SMOC2: variants seen among roughly 807,000 people sequenced by gnomAD.
SMOC2 encodes the protein SPARC-related modular calcium-binding protein 2.
Under a neutral mutation model 61.4 loss-of-function variants are expected in SMOC2, and 39 were observed. That is an observed-to-expected ratio of 0.64 (90% CI 0.49 to 0.83). SMOC2 has a LOEUF of 0.83. SMOC2 is among the 40% of genes least tolerant of loss of function. The probability of loss-of-function intolerance (pLI) is 0.00; values close to 1 mark genes in which losing one functional copy is unlikely to be tolerated. For missense variants in SMOC2, 556 were observed against 592.9 expected, an observed-to-expected ratio of 0.94 and a Z score of 0.65; for synonymous variants, 247 against 239.9, an observed-to-expected ratio of 1.03 and a Z score of -0.27.
At chr6:168,505,825 C>T (rs186051719) in intron 1 of SMOC2, among the ~76,000 whole-genome samples, 1 of 152,212 alleles carries the variant, frequency 6.6e-6, no homozygotes, top group African/African-American at 2.4e-5. Context: ...TGTAGCCCCT[C>T]TCCCACCTGT....
intron 1 of SMOC2, among the ~76,000 whole-genome samples, chr6:168,444,887 G>T (rs910375782): frequency 2.6e-5 from 4 of 152,138 alleles, no homozygotes; most frequent in African/African-American, 9.7e-5. Context: ...GAACAATATT[G>T]CCTGGGACCC....
chr6:168,598,683 G>A, intron 7 of SMOC2, 135 bp from the exon 8 acceptor site: 1 of 981,786 alleles, frequency 1.0e-6, no homozygotes, highest in African/African-American at 1.6e-5. Flanking sequence ...TGCCCCCCAC[G>A]CTGGCAGGCC....
chr6:168,463,249 C>T (rs1781754679), intron 1 of SMOC2, among the ~76,000 whole-genome samples: 2 of 152,262 alleles, frequency 1.3e-5, no homozygotes, highest in East Asian at 1.9e-4. Flanking sequence ...CCCGTACTTA[C>T]CCCAAGGAGA....
intron 9 of SMOC2, among the ~76,000 whole-genome samples, chr6:168,635,739 C>T (rs1257857923): frequency 2.6e-5 from 4 of 151,908 alleles, no homozygotes; most frequent in South Asian, 2.1e-4. Flanking sequence ...GGCGTGGTGG[C>T]GGGTGCCTGT....
rs1006979589 is a variant in SMOC2, at chr6:168,586,032, T to C, written c.638-12786T>C. Among the ~76,000 whole-genome samples the C allele has an allele frequency of 7.9e-5, 12 of 152,318 alleles. No individual in the cohort carries two copies. In the South Asian group the frequency reaches 8.3e-4, roughly 11 times the overall value. On this transcript the variant is annotated intron_variant, in intron 7 of 12. Transcript: ENST00000356284. ...ACTTTTTTTTGTCTTTTGTGCTTAGTGCTTTCTGCATCTGCCCTAGAGATC... is the reference window on the plus strand; with the variant it reads ...ACTTTTTTTTGTCTTTTGTGCTTAGCGCTTTCTGCATCTGCCCTAGAGATC...
chr6:168,613,115 G>A (rs896079623), intron 9 of SMOC2, among the ~76,000 whole-genome samples: 3 of 152,144 alleles, frequency 2.0e-5, no homozygotes, highest in Non-Finnish European at 2.9e-5. Context: ...ACACTGGCAG[G>A]GAACGCTCAC....
At chr6:168,558,856 TGC>T (rs1345060294) in intron 7 of SMOC2, among the ~76,000 whole-genome samples, 54 of 126,778 alleles carry the variant, frequency 4.3e-4, no homozygotes, top group African/African-American at 2.1e-3. Flanking sequence ...TGTGCGCGTG[TGC>T]GCATGTGTGT....
intron 7 of SMOC2, among the ~76,000 whole-genome samples, chr6:168,564,470 T>G: frequency 6.6e-6 from 1 of 152,174 alleles, no homozygotes; most frequent in East Asian, 1.9e-4. Flanking sequence ...CTTGTATGTA[T>G]GTGGATTTAA....
intron 9 of SMOC2, among the ~76,000 whole-genome samples, chr6:168,615,874 T>C (rs1228280010): frequency 6.7e-6 from 1 of 149,538 alleles, no homozygotes; most frequent in African/African-American, 2.5e-5. Context: ...TCAGACACGA[T>C]TTTAGCACTA....
chr6:168,579,011 G>T (rs182892324), intron 7 of SMOC2, among the ~76,000 whole-genome samples: 35 of 152,162 alleles, frequency 2.3e-4, no homozygotes, highest in Non-Finnish European at 4.9e-4. Context: ...GCCCACCACC[G>T]ACAGGTTTCA....
rs377426336 is a variant in SMOC2, at chr6:168,592,430, C to G, written c.638-6388C>G. Among the ~76,000 whole-genome samples, 825 of 108,752 alleles carry G rather than the reference C, an allele frequency of 7.6e-3. 8 individuals carry two copies. Among genetic ancestry groups the G allele is most frequent in the South Asian group, 0.037 (118 of 3,176 alleles). The allele number at this position is 108,752 out of a possible 152,430, so 71.3% of individuals were successfully genotyped here. On this transcript the variant is annotated intron_variant, in intron 7 of 12. Transcript: ENST00000356284. ...TTCCTGAGGCCTCACGAGCATCTTT[C>G]TAGAGGATCGCCGAGCTCCTCCTCC...
intron 4 of SMOC2, among the ~76,000 whole-genome samples, chr6:168,530,214 C>T (rs182564747): frequency 6.6e-6 from 1 of 152,216 alleles, no homozygotes; most frequent in East Asian, 1.9e-4. Flanking sequence ...TGAGGCCAGC[C>T]ACAGCGGAGG....
intron 4 of SMOC2, among the ~76,000 whole-genome samples, chr6:168,536,856 C>T (rs575202079): frequency 2.6e-5 from 4 of 152,306 alleles, no homozygotes; most frequent in Admixed American, 1.3e-4. Context: ...CCGGTGAAGT[C>T]GGATAGAGCA....
intron 1 of SMOC2, among the ~76,000 whole-genome samples, chr6:168,470,932 A>C (rs1781955860): frequency 6.6e-6 from 1 of 152,196 alleles, no homozygotes; most frequent in South Asian, 2.1e-4. Context: ...TTTCCAGAAT[A>C]ATTTTTACCC....
intron 9 of SMOC2, among the ~76,000 whole-genome samples, chr6:168,636,062 C>G (rs1786709935): frequency 6.6e-6 from 1 of 152,114 alleles, no homozygotes; most frequent in Non-Finnish European, 1.5e-5. Flanking sequence ...AATAGCATGT[C>G]TGTTGTGTGA....
chr6:168,471,766 T>G (rs1256816161), intron 1 of SMOC2, among the ~76,000 whole-genome samples: 1 of 152,244 alleles, frequency 6.6e-6, no homozygotes, highest in Non-Finnish European at 1.5e-5. Context: ...TGTATTTATT[T>G]TTGGATAGTG....
chr6:168,574,579 G>A (rs1039689217), intron 7 of SMOC2, among the ~76,000 whole-genome samples: 3 of 152,166 alleles, frequency 2.0e-5, no homozygotes, highest in Non-Finnish European at 2.9e-5. Flanking sequence ...TGCCTGGAAC[G>A]TCTGCAGATG....
rs1785557396 is a variant in SMOC2 at position 168,601,639 on chromosome 6, G to C, written c.824+2635G>C. Reference sequence around the variant, plus strand: ...TAAGTTGGGGCAGCCCCAGCCCCCAGTGAGGCCCCTGTAGCAGAGGTAGAG... The same window carrying C: ...TAAGTTGGGGCAGCCCCAGCCCCCACTGAGGCCCCTGTAGCAGAGGTAGAG... On this transcript the variant is annotated intron_variant, in intron 8 of 12. Transcript: ENST00000356284. 2.6e-5 allele frequency among the ~76,000 whole-genome samples: 4 copies of C among 152,292 alleles called. No individual in the cohort carries two copies. In the East Asian group the frequency reaches 7.7e-4, roughly 29 times the overall value.
intron 1 of SMOC2, among the ~76,000 whole-genome samples, chr6:168,474,554 C>T (rs1782035949): frequency 6.6e-6 from 1 of 152,132 alleles, no homozygotes; most frequent in Non-Finnish European, 1.5e-5. Flanking sequence ...GCCGCTATGT[C>T]CCTGCCTTTA....
Sources: gnomAD v4.1 joint callset for allele counts (sites outside exome capture counted in the v4.1 genomes callset) on GRCh38, gnomAD v4.1.1 for gene constraint, MANE v1.5 for transcripts, NCBI Gene and HGNC (gene_info 2026-07-23, HGNC 2026-07-21) for gene names.